DNAH9: variants seen among roughly 807,000 people sequenced by gnomAD.
The protein encoded by DNAH9 is dynein axonemal heavy chain 9.
A neutral mutation model predicts 471.6 loss-of-function variants in DNAH9; 345 were observed. That is an observed-to-expected ratio of 0.73 (90% CI 0.67 to 0.80). The LOEUF (loss-of-function observed/expected upper bound fraction) is 0.80, where lower values mean the gene tolerates loss of function less well. DNAH9 is among the 30% of genes least tolerant of loss of function. The pLI, the probability that DNAH9 is intolerant of heterozygous loss-of-function variation, is 0.00. For synonymous variants in DNAH9, 2,093 were observed against 2,123.6 expected (o/e 0.99, Z 0.40); for missense variants, 5,407 against 5,609.2 (o/e 0.96, Z 1.15).
chr17:11,669,883 G>C, intron 17 of DNAH9, 89 bp downstream of exon 17: 4 of 1,141,056 alleles, frequency 3.5e-6, no homozygotes, highest in Admixed American at 2.1e-5. Flanking sequence ...TTCCCCATGG[G>C]TATGTTGGTT....
chr17:11,602,905 G>A (rs988801779), intron 1 of DNAH9, among the ~76,000 whole-genome samples: 3 of 152,118 alleles, frequency 2.0e-5, no homozygotes, highest in African/African-American at 7.2e-5. Context: ...ACAGTCCTTT[G>A]ATCCTGCTGG....
intron 49 of DNAH9, among the ~76,000 whole-genome samples, chr17:11,843,890 T>TATATATATATATATATACACAC (rs1389217941): frequency 3.1e-5 from 4 of 127,224 alleles, no homozygotes; most frequent in African/African-American, 1.2e-4. Flanking sequence ...TATATATATA[T>TATATATATATATATATACACAC]ACACATAGAG....
chr17:11,650,030 C>T (rs2073471366), intron 12 of DNAH9, among the ~76,000 whole-genome samples: 1 of 152,178 alleles, frequency 6.6e-6, no homozygotes, highest in African/African-American at 2.4e-5. Context: ...CTCTACTTCC[C>T]TATTATATTA....
intron 26 of DNAH9, among the ~76,000 whole-genome samples, chr17:11,705,831 A>C (rs1161486158): frequency 6.6e-6 from 1 of 152,194 alleles, no homozygotes; most frequent in African/African-American, 2.4e-5. Flanking sequence ...ATAAAATATC[A>C]CATATACCCC....
intron 68 of DNAH9, among the ~76,000 whole-genome samples, chr17:11,967,490 G>C (rs75914241): frequency 6.6e-6 from 1 of 152,074 alleles, no homozygotes; most frequent in African/African-American, 2.4e-5. Context: ...ATACACTAGC[G>C]TATATCTGGT....
At chr17:11,712,731 A>G (rs541090146) in intron 26 of DNAH9, among the ~76,000 whole-genome samples, 1 of 152,188 alleles carries the variant, frequency 6.6e-6, no homozygotes, top group Non-Finnish European at 1.5e-5. Context: ...CTTTAGTGTA[A>G]TAATTGCCCA....
Position 11,822,422 on chromosome 17 carries a change from C to T in DNAH9, c.8851-16C>T. The T allele has an allele frequency of 5.0e-6, 8 of 1,613,948 alleles. No individual in the cohort carries two copies. Among genetic ancestry groups the T allele is most frequent in the Non-Finnish European group, 6.8e-6 (8 of 1,179,908 alleles). Reference sequence around the variant, plus strand: ...CTGATGCCTTCCTGGTTCTCCCCACCCTTCTGACTTCTCAGGTGACTCTCT... The same window carrying T: ...CTGATGCCTTCCTGGTTCTCCCCACTCTTCTGACTTCTCAGGTGACTCTCT... On this transcript the variant is annotated splice_polypyrimidine_tract_variant and intron_variant, in intron 46 of 68. Coordinates refer to ENST00000262442, the MANE Select transcript of DNAH9 (RefSeq NM_001372.4).
At chr17:11,802,993 A>G (rs1473241423) in intron 43 of DNAH9, among the ~76,000 whole-genome samples, 3 of 152,170 alleles carry the variant, frequency 2.0e-5, no homozygotes. Context: ...TTAACCCCCA[A>G]GCCTAAATAT....
intron 38 of DNAH9, among the ~76,000 whole-genome samples, chr17:11,775,176 A>C (rs1443776239): frequency 2.0e-5 from 3 of 152,190 alleles, no homozygotes; most frequent in African/African-American, 7.2e-5. Flanking sequence ...TTTGAGATTT[A>C]TCCATGTTGT....
At chr17:11,922,394 G>A (rs559272291) in intron 61 of DNAH9, among the ~76,000 whole-genome samples, 7 of 152,062 alleles carry the variant, frequency 4.6e-5, no homozygotes, top group Admixed American at 3.9e-4. Context: ...TTCCTTCATG[G>A]TATTATACAT....
At position 11,626,948 on chromosome 17, in the gene DNAH9, A is replaced by G. The variant is rs906411805; in HGVS notation, c.1351-2469A>G. Among the ~76,000 whole-genome samples, 2 of 152,202 alleles carry G rather than the reference A, an allele frequency of 1.3e-5. No homozygotes were observed. The highest frequency in any genetic ancestry group is 2.9e-5 in the Non-Finnish European group (2 of 68,030). On this transcript the variant is annotated intron_variant, in intron 6 of 68. Coordinates refer to ENST00000262442, the MANE Select transcript of DNAH9 (RefSeq NM_001372.4). This position sits in a 1 kb window ranked among gnomAD's most constrained non-coding sequence, Gnocchi z 4.3. ...ACTCTTCCAGGCACTGGAAATACCG[A>G]GATACCTTTGGGGCATTTACAACTT...
At position 11,947,772 on chromosome 17, in the gene DNAH9, A is replaced by AATTTTT. The variant is rs1555528615; in HGVS notation, c.12843+5287_12843+5288insATTTTT. 1.7e-4 allele frequency among the ~76,000 whole-genome samples: 18 copies of AATTTTT among 108,336 alleles called. 1 individual carries two copies. Among genetic ancestry groups the AATTTTT allele is most frequent in the Non-Finnish European group, 1.4e-4 (8 of 56,136 alleles). The allele number at this position is 108,336 out of a possible 152,430, so 71.1% of individuals were successfully genotyped here. A position where few individuals can be genotyped will look rare whatever the true frequency, so the allele number is the denominator to read the frequency against. On this transcript the variant is annotated intron_variant, in intron 67 of 68. Transcript: ENST00000262442. ...CAGAATCTGGGAGGGGCTGGGAACTATTTTTTTTTTTTTTTTTTTTTTTTT... is the reference window on the plus strand; with the variant it reads ...CAGAATCTGGGAGGGGCTGGGAACTAATTTTTTTTTTTTTTTTTTTTTTTTTTTTTT...
At chr17:11,949,523 C>T (rs2151439258) in intron 67 of DNAH9, among the ~76,000 whole-genome samples, 1 of 151,112 alleles carries the variant, frequency 6.6e-6, no homozygotes, top group Non-Finnish European at 1.5e-5. Flanking sequence ...CTCTTGTTGT[C>T]CAGGCTGGAG....
At chr17:11,825,320 C>T (rs1178432363) in intron 48 of DNAH9, among the ~76,000 whole-genome samples, 1 of 152,166 alleles carries the variant, frequency 6.6e-6, no homozygotes, top group African/African-American at 2.4e-5. Context: ...CATTGTGCTT[C>T]CTCTCCTCAC....
intron 42 of DNAH9, among the ~76,000 whole-genome samples, chr17:11,794,380 G>T (rs1055807252): frequency 1.4e-4 from 22 of 152,202 alleles, no homozygotes; most frequent in African/African-American, 5.3e-4. Flanking sequence ...TTTGAAACTT[G>T]GAACATTTGA....
intron 67 of DNAH9, among the ~76,000 whole-genome samples, chr17:11,949,935 A>C (rs1975301509): frequency 6.6e-6 from 1 of 152,228 alleles, no homozygotes; most frequent in Admixed American, 6.5e-5. Context: ...AATACATTAT[A>C]ATCTTATTAT....
intron 49 of DNAH9, among the ~76,000 whole-genome samples, chr17:11,850,916 T>C (rs1218505429): frequency 1.3e-5 from 2 of 152,094 alleles, no homozygotes; most frequent in African/African-American, 4.8e-5. Context: ...GTTAACAAGA[T>C]AAATGGAGGT....
In DNAH9 at chr17:11,964,845, C is replaced by G. The variant is rs76910867; in HGVS notation, c.13233+2589C>G. Among the ~76,000 whole-genome samples the G allele has an allele frequency of 1.6e-3, 250 of 152,212 alleles. 2 individuals are homozygous for G. Among genetic ancestry groups the G allele is most frequent in the African/African-American group, 5.8e-3 (239 of 41,514 alleles). ...ATGGGGTTGGAGCACCTTCAAAGCC[C>G]TGTTCCCCACCCCCCCACAAAAAAA... On this transcript the variant is annotated intron_variant, in intron 68 of 68. Transcript: ENST00000262442.
chr17:11,629,029 C>T (rs2073018331), intron 6 of DNAH9, among the ~76,000 whole-genome samples: 2 of 152,092 alleles, frequency 1.3e-5, no homozygotes. Flanking sequence ...CCACCGCCCC[C>T]ATGGTTTCCA....
Sources: allele counts gnomAD v4.1 joint callset (sites outside exome capture counted in the v4.1 genomes callset), GRCh38; gene constraint gnomAD v4.1.1; non-coding constraint Gnocchi (gnomAD v3.1); transcripts MANE v1.5; gene names NCBI Gene and HGNC (gene_info 2026-07-23, HGNC 2026-07-21).